The following LNX1 variants were observed in gnomAD, a reference collection of about 807,000 sequenced individuals.
LNX1 encodes the protein ligand of numb-protein X 1, also known as E3 ubiquitin-protein ligase LNX.
Under a neutral mutation model 68.4 loss-of-function variants are expected in LNX1, and 54 were observed. The observed-to-expected ratio is 0.79, with a 90% CI of 0.63 to 0.99. The LOEUF (loss-of-function observed/expected upper bound fraction) is 0.99. Among genes scored for constraint, LNX1 ranks in the 50% least tolerant of loss-of-function variants. The probability of loss-of-function intolerance (pLI) is 0.00; values close to 1 mark genes in which losing one functional copy is unlikely to be tolerated. For missense variants in LNX1, 906 were observed against 926.4 expected, an observed-to-expected ratio of 0.98 and a Z score of 0.29; for synonymous variants, 336 against 350.0, an observed-to-expected ratio of 0.96 and a Z score of 0.45.
chr4:53,545,129 G>C (rs1292130985), intron 2 of LNX1, among the ~76,000 whole-genome samples: 1 of 152,206 alleles, frequency 6.6e-6, no homozygotes, highest in African/African-American at 2.4e-5. Flanking sequence ...ATTAGCTCAT[G>C]CAGCCAAAAA....
Position 53,459,913 on chromosome 4 carries a change from G to A in LNX1, c.*994C>T. ...GTGACACTCTTGCTTAGTATATTAA[G>A]AGACTCATACATTTTTGATATCACA... On this transcript the variant is annotated 3_prime_UTR_variant, in exon 11 of 11. Coordinates refer to ENST00000263925, the MANE Select transcript of LNX1 (RefSeq NM_001126328.3). 1 of 221,642 alleles carries A rather than the reference G, an allele frequency of 4.5e-6. No individual in the cohort carries two copies. The highest frequency in any genetic ancestry group is 9.0e-6 in the Non-Finnish European group (1 of 110,822). 13.7% of individuals were successfully genotyped at this position (221,642 alleles called of 1,614,324 possible).
intron 2 of LNX1, chr4:53,549,671 G>A (rs1287220665): frequency 6.6e-6 from 1 of 152,040 alleles, no homozygotes; most frequent in Non-Finnish European, 1.5e-5. Flanking sequence ...TCTGAGATGT[G>A]CTTCAAAAAC....
At chr4:53,521,803 T>A (rs1398572976) in intron 2 of LNX1, among the ~76,000 whole-genome samples, 1 of 152,140 alleles carries the variant, frequency 6.6e-6, no homozygotes, top group Non-Finnish European at 1.5e-5. Context: ...TGGGCCAGGC[T>A]TACTCTTTGG....
chr4:53,468,791 TA>T (rs1722905041), intron 9 of LNX1, among the ~76,000 whole-genome samples: 1 of 152,216 alleles, frequency 6.6e-6, no homozygotes, highest in Non-Finnish European at 1.5e-5. Context: ...AAGAGCTAAC[TA>T]TCCTAAATAT....
At chr4:53,647,382 C>T (rs775977447) in intron 1 of LNX1, among the ~76,000 whole-genome samples, 1 of 152,314 alleles carries the variant, frequency 6.6e-6, no homozygotes, top group South Asian at 2.1e-4. Context: ...CAATCTCTCT[C>T]TCTCTTTTTC....
Position 53,461,048 on chromosome 4 carries a change from A to AG in LNX1, c.2052-7_2052-6insC, listed in dbSNP as rs748388390. 9 of 1,550,558 alleles carry AG rather than the reference A, an allele frequency of 5.8e-6. No individual in the cohort carries two copies. In the Middle Eastern group the frequency reaches 5.2e-4, roughly 89 times the overall value. Reference sequence around the variant, plus strand: ...CAAGAAGAATATCACCACATCTAAAAAAAAAAACAAAACAAGATATGATTA... The same window carrying AG: ...CAAGAAGAATATCACCACATCTAAAAGAAAAAAACAAAACAAGATATGATTA... On this transcript the variant is annotated splice_polypyrimidine_tract_variant and splice_region_variant and intron_variant, in intron 10 of 10. Transcript: ENST00000263925.
At chr4:53,492,226 T>C (rs1253161404) in intron 6 of LNX1, among the ~76,000 whole-genome samples, 1 of 152,090 alleles carries the variant, frequency 6.6e-6, no homozygotes, top group East Asian at 1.9e-4. Context: ...CTCTGACAGT[T>C]GAGAGGAGAC....
chr4:53,574,063 T>C lies in LNX1; in HGVS notation c.-61A>G. 1 of 1,546,896 alleles carries C rather than the reference T, an allele frequency of 6.5e-7. No individual in the cohort carries two copies. Among genetic ancestry groups the C allele is most frequent in the African/African-American group, 1.4e-5 (1 of 73,316 alleles). ...CACACAATATTTCCTCAGGAGCAAG[T>C]CAAGATCTAGGAGACATCCACACAC... On this transcript the variant is annotated 5_prime_UTR_variant, in exon 2 of 11. An upstream open reading frame in the 5' UTR loses its in-frame stop. Coordinates refer to ENST00000263925, the MANE Select transcript of LNX1 (RefSeq NM_001126328.3).
At chr4:53,565,385 C>A (rs1157032481) in intron 2 of LNX1, among the ~76,000 whole-genome samples, 1 of 151,990 alleles carries the variant, frequency 6.6e-6, no homozygotes, top group African/African-American at 2.4e-5. Flanking sequence ...CCAGCAGGGG[C>A]ACACTGACAC....
intron 1 of LNX1, among the ~76,000 whole-genome samples, chr4:53,623,932 G>A (rs1299474927): frequency 6.6e-6 from 1 of 152,170 alleles, no homozygotes; most frequent in East Asian, 1.9e-4. Flanking sequence ...CTTTTAGCTT[G>A]AATACAAACT....
chr4:53,541,156 A>G (rs988138626), intron 2 of LNX1, among the ~76,000 whole-genome samples: 1 of 151,824 alleles, frequency 6.6e-6, no homozygotes, highest in Non-Finnish European at 1.5e-5. Context: ...AGAAAAAAAA[A>G]AAAGAAAGAA....
chr4:53,478,759 A>T lies in LNX1; in HGVS notation c.1486-17T>A. 1 of 1,605,274 alleles carries T rather than the reference A, an allele frequency of 6.2e-7. No homozygotes were observed. Among genetic ancestry groups the T allele is most frequent in the Non-Finnish European group, 8.5e-7 (1 of 1,174,432 alleles). ...ATGGAGGGGCTGAAGGCACAGATGG[A>T]AAAACATGGCACATGAATTCACAAC... is the stretch of plus-strand genomic sequence containing the variant. On this transcript the variant is annotated splice_polypyrimidine_tract_variant and intron_variant, in intron 7 of 10. Coordinates refer to ENST00000263925, the MANE Select transcript of LNX1 (RefSeq NM_001126328.3).
chr4:53,575,478 G>C (rs1349788293), intron 1 of LNX1: 6 of 982,218 alleles, frequency 6.1e-6, no homozygotes, highest in African/African-American at 1.7e-5. Context: ...CTTTGAGAGA[G>C]ACTTAAAGGA....
intron 2 of LNX1, among the ~76,000 whole-genome samples, chr4:53,609,965 G>A (rs1733414527): frequency 6.6e-6 from 1 of 151,294 alleles, no homozygotes. Flanking sequence ...CACTGTTATT[G>A]TTCACATTTT....
intron 2 of LNX1, among the ~76,000 whole-genome samples, chr4:53,566,991 A>G (rs1315595042): frequency 1.3e-4 from 20 of 152,148 alleles, no homozygotes; most frequent in African/African-American, 4.3e-4. Flanking sequence ...CCAGATTCAT[A>G]AAGCAAGTCC....
intron 2 of LNX1, among the ~76,000 whole-genome samples, chr4:53,521,651 C>T (rs916111048): frequency 2.6e-5 from 4 of 152,180 alleles, no homozygotes; most frequent in Admixed American, 6.5e-5. Flanking sequence ...AACAACCTTA[C>T]TCCTTCTATA....
chr4:53,559,151 T>C (rs1373259015), intron 2 of LNX1, among the ~76,000 whole-genome samples: 1 of 152,092 alleles, frequency 6.6e-6, no homozygotes, highest in Non-Finnish European at 1.5e-5. Flanking sequence ...CAGAGAAAAG[T>C]CTACAGGATG....
intron 2 of LNX1, among the ~76,000 whole-genome samples, chr4:53,517,123 G>C (rs1726848158): frequency 6.6e-6 from 1 of 152,160 alleles, no homozygotes; most frequent in Non-Finnish European, 1.5e-5. Flanking sequence ...TGGCAGGGTG[G>C]GGGTGGTTGG....
At chr4:53,594,052 T>C (rs1430055165), upstream of LNX1, 3 of 152,022 alleles carry the variant, frequency 2.0e-5, no homozygotes, top group African/African-American at 7.2e-5. Context: ...CCTGTAGAAG[T>C]AGCCCTGGGG....
Sources: allele counts gnomAD v4.1 joint callset (sites outside exome capture counted in the v4.1 genomes callset), GRCh38; gene constraint gnomAD v4.1.1; transcripts MANE v1.5; gene names NCBI Gene and HGNC (gene_info 2026-07-23, HGNC 2026-07-21).